SHOC2: variants seen among roughly 807,000 people sequenced by gnomAD.
SHOC2 encodes SHOC2 leucine rich repeat scaffold protein, also known as leucine-rich repeat protein SHOC-2.
In SHOC2, 4 loss-of-function variants were observed where a neutral mutation model predicts 50.2. That is an observed-to-expected ratio of 0.08 (90% confidence interval 0.04 to 0.18). The LOEUF (loss-of-function observed/expected upper bound fraction) is 0.18. Ranked by LOEUF, SHOC2 falls within the 10% of genes least tolerant of loss-of-function variation. The pLI, the probability that SHOC2 is intolerant of heterozygous loss-of-function variation, is 1.00. For missense variants in SHOC2, 388 were observed against 669.6 expected, an observed-to-expected ratio of 0.58 and a Z score of 4.64; for synonymous variants, 218 against 244.5, an observed-to-expected ratio of 0.89 and a Z score of 1.01.
intron 1 of SHOC2, among the ~76,000 whole-genome samples, chr10:110,946,894 G>A (rs1176715797): frequency 1.3e-5 from 2 of 152,192 alleles, no homozygotes; most frequent in African/African-American, 4.8e-5. Context: ...AATAGGAAGA[G>A]TGATGTTAGT....
At chr10:110,966,776 A>G (rs959740868) in intron 2 of SHOC2, among the ~76,000 whole-genome samples, 1 of 152,162 alleles carries the variant, frequency 6.6e-6, no homozygotes, top group Non-Finnish European at 1.5e-5. Flanking sequence ...AAAAACAGCC[A>G]TTGAATTTGT....
intron 1 of SHOC2, among the ~76,000 whole-genome samples, chr10:110,959,672 A>C (rs150590211): frequency 6.2e-4 from 94 of 152,306 alleles, no homozygotes; most frequent in African/African-American, 2.2e-3. Context: ...GCATTCTTGG[A>C]TTAGGGGTTA....
At chr10:110,989,860 ATATATTCAGTG>A (rs1396796483) in intron 3 of SHOC2, among the ~76,000 whole-genome samples, 3 of 152,126 alleles carry the variant, frequency 2.0e-5, no homozygotes, top group Non-Finnish European at 2.9e-5. Context: ...TGTTTGCCAT[ATATATTCAGTG>A]TATATTCAGT....
At position 110,971,654 on chromosome 10, in the gene SHOC2, A is replaced by G. The variant is rs116075249; in HGVS notation, c.703+6593A>G. On this transcript the variant is annotated intron_variant, in intron 2 of 8. Coordinates refer to ENST00000369452, the MANE Select transcript of SHOC2 (RefSeq NM_007373.4). ...TTTGGGTAGTATGGATATTGTAACAATATTAATCCTTTTAATTCATGAGCA... is the reference window on the plus strand; with the variant it reads ...TTTGGGTAGTATGGATATTGTAACAGTATTAATCCTTTTAATTCATGAGCA... Among the ~76,000 whole-genome samples the G allele has an allele frequency of 1.8e-3, 275 of 152,216 alleles. 1 individual carries two copies. Among genetic ancestry groups the G allele is most frequent in the African/African-American group, 6.3e-3 (262 of 41,552 alleles).
intron 1 of SHOC2, among the ~76,000 whole-genome samples, chr10:110,950,113 T>C (rs1400581371): frequency 6.6e-6 from 1 of 152,154 alleles, no homozygotes; most frequent in Admixed American, 6.5e-5. Context: ...TAAAATTGTC[T>C]TTCTGTAGAT....
intron 3 of SHOC2, among the ~76,000 whole-genome samples, chr10:110,999,404 A>G (rs1349646627): frequency 6.6e-6 from 1 of 152,158 alleles, no homozygotes; most frequent in Non-Finnish European, 1.5e-5. Context: ...ATCATTCATT[A>G]TATATAGTTG....
chr10:110,987,726 T>G (rs1247131204), intron 3 of SHOC2, among the ~76,000 whole-genome samples: 1 of 151,864 alleles, frequency 6.6e-6, no homozygotes, highest in African/African-American at 2.4e-5. Context: ...AGATGTGACC[T>G]TAGGAGAAAA....
rs753581018 is a variant in SHOC2, at chr10:111,009,230, T to C, written c.1285-18T>C. ...TCATTTCATGATTTCCTAAACATTA[T>C]CAATAATTTCTCATTAGGTTCTTAT... On this transcript the variant is annotated intron_variant, in intron 6 of 8. Coordinates refer to ENST00000369452, the MANE Select transcript of SHOC2 (RefSeq NM_007373.4). The C allele has an allele frequency of 4.0e-6, 6 of 1,481,710 alleles. No homozygotes were observed. The African/African-American group carries it at 4.2e-5, about 10-fold the overall frequency. 91.8% of individuals were successfully genotyped at this position (1,481,710 alleles called of 1,614,324 possible). A position where few individuals can be genotyped will look rare whatever the true frequency, so the allele number is the denominator to read the frequency against.
Position 111,007,629 on chromosome 10 carries a change from T to A in SHOC2, c.1260T>A (p.Asp420Glu). Residue 420 changes from aspartate to glutamate, a missense_variant, in exon 6 of 9, where the codon GAT becomes GAA. Transcript: ENST00000369452. ...ATCAGCTCACAAAGATCCCTGAGGA[T>A]GTGTCTGGTCTCGTTTCTCTTGAGG... ...ATNQLTKIPE[D>E]VSGLVSLEVL... 6.2e-7 allele frequency: 1 copy of A among 1,613,648 alleles called. No individual in the cohort carries two copies. The highest frequency in any genetic ancestry group is 2.2e-5 in the East Asian group (1 of 44,804).
intron 1 of SHOC2, among the ~76,000 whole-genome samples, chr10:110,956,183 A>G (rs921369387): frequency 6.7e-6 from 1 of 149,472 alleles, no homozygotes; most frequent in Non-Finnish European, 1.5e-5. Flanking sequence ...GGTTTTTTAC[A>G]TTTCATGTCT....
chr10:110,962,668 C>T (rs567114301), intron 1 of SHOC2, among the ~76,000 whole-genome samples: 3 of 152,308 alleles, frequency 2.0e-5, no homozygotes, highest in Non-Finnish European at 4.4e-5. Flanking sequence ...CAAAGTGACA[C>T]ATTTTCAGTG....
intron 3 of SHOC2, among the ~76,000 whole-genome samples, chr10:110,998,197 C>G (rs1848303743): frequency 6.6e-6 from 1 of 152,130 alleles, no homozygotes; most frequent in South Asian, 2.1e-4. Context: ...TGGGGTTTCA[C>G]CATGTTGACC....
chr10:110,966,789 A>G (rs991638572), intron 2 of SHOC2, among the ~76,000 whole-genome samples: 2 of 152,150 alleles, frequency 1.3e-5, no homozygotes, highest in Non-Finnish European at 2.9e-5. Context: ...GAATTTGTTA[A>G]TGGGCTCCTT....
chr10:111,009,884 C>T lies in SHOC2; in HGVS notation c.1540+54C>T, dbSNP rs536219519. 12 of 924,624 alleles carry T rather than the reference C, an allele frequency of 1.3e-5. No homozygotes were observed. In the South Asian group the frequency reaches 1.6e-4, roughly 12 times the overall value. The allele number at this position is 924,624 out of a possible 1,614,324, so 57.3% of individuals were successfully genotyped here. On this transcript the variant is annotated intron_variant, in intron 8 of 8. Transcript: ENST00000369452. ...TACTAATAATTTGCTCTTGTGCATT[C>T]AAGCAATATTTCAGATAAATATGAC...
At chr10:110,933,915 A>G (rs529966781) in intron 1 of SHOC2, among the ~76,000 whole-genome samples, 176 of 152,300 alleles carry the variant, frequency 1.2e-3, no homozygotes, top group Non-Finnish European at 1.9e-3. Flanking sequence ...GCTCCCAAAG[A>G]TTAAATTCTG....
chr10:110,949,201 C>A (rs1313949404), intron 1 of SHOC2, among the ~76,000 whole-genome samples: 2 of 152,014 alleles, frequency 1.3e-5, no homozygotes. Flanking sequence ...ACTGACAAAT[C>A]TTTAGCTAGA....
chr10:111,010,682 A>T (rs1193706255), intron 8 of SHOC2, among the ~76,000 whole-genome samples: 15 of 802 alleles, frequency 0.019, no homozygotes, highest in South Asian at 0.086. Flanking sequence ...AAAGTATAAT[A>T]AAAAAAAATG....
chr10:110,919,650 T>TCCTGACGGTAACTCGGGGCC lies in SHOC2; in HGVS notation c.-241_-235+13dup, dbSNP rs1425735347. 5.0e-6 allele frequency: 2 copies of TCCTGACGGTAACTCGGGGCC among 398,384 alleles called. No individual in the cohort carries two copies. Among genetic ancestry groups the TCCTGACGGTAACTCGGGGCC allele is most frequent in the Admixed American group, 4.4e-5 (1 of 22,692 alleles). 24.7% of individuals were successfully genotyped at this position (398,384 alleles called of 1,614,324 possible). A position where few individuals can be genotyped will look rare whatever the true frequency, so the allele number is the denominator to read the frequency against. On this transcript the variant is annotated 5_prime_UTR_variant, in exon 1 of 9. It removes the in-frame stop codon of an upstream open reading frame in the 5' UTR. Transcript: ENST00000369452. ...GCGAGGAGGATGGCGGAGTCGGGGCTCCTGACGGTAACTCGGGGCCGATGA... is the reference window on the plus strand; with the variant it reads ...GCGAGGAGGATGGCGGAGTCGGGGCTCCTGACGGTAACTCGGGGCCCCTGACGGTAACTCGGGGCCGATGA...
chr10:110,962,881 T>C (rs1026832623), intron 1 of SHOC2, among the ~76,000 whole-genome samples: 4 of 152,220 alleles, frequency 2.6e-5, no homozygotes, highest in Admixed American at 2.6e-4. Context: ...ATATGCCACT[T>C]GCCTGAGGAT....
Sources: gnomAD v4.1 joint callset for allele counts (sites outside exome capture counted in the v4.1 genomes callset) on GRCh38, gnomAD v4.1.1 for gene constraint, MANE v1.5 for transcripts, NCBI Gene and HGNC (gene_info 2026-07-23, HGNC 2026-07-21) for gene names.